The following CNTNAP3B variants were observed in gnomAD, a reference collection of about 807,000 sequenced individuals.
CNTNAP3B encodes the protein contactin associated protein family member 3B.
CNTNAP3B carries 25 observed loss-of-function variants against 108.9 expected under a neutral mutation model. That is an observed-to-expected ratio of 0.23 (90% CI 0.17 to 0.32). The LOEUF (loss-of-function observed/expected upper bound fraction) is 0.32, where lower values mean the gene tolerates loss of function less well. Among genes scored for constraint, CNTNAP3B ranks in the 10% least tolerant of loss-of-function variants. The pLI is 1.00. For missense variants in CNTNAP3B, 252 were observed against 1,210.4 expected (o/e 0.21, Z 11.75); for synonymous variants, 103 against 473.4 (o/e 0.22, Z 10.16).
chr9:41,936,886 G>T (rs1824173074), intron 14 of CNTNAP3B, among the ~76,000 whole-genome samples: 1 of 152,304 alleles, frequency 6.6e-6, no homozygotes, highest in Admixed American at 6.5e-5. Context: ...TAAATGTATA[G>T]TATGTATTCT....
intron 3 of CNTNAP3B, among the ~76,000 whole-genome samples, chr9:42,032,974 C>G (rs1186478277): frequency 1.4e-5 from 2 of 144,246 alleles, no homozygotes; most frequent in African/African-American, 5.4e-5. Flanking sequence ...TCCTGAAAGG[C>G]CCTGTCTTCA....
At chr9:41,928,216 G>A (rs1428448386) in intron 15 of CNTNAP3B, among the ~76,000 whole-genome samples, 1 of 152,248 alleles carries the variant, frequency 6.6e-6, no homozygotes, top group African/African-American at 2.4e-5. Context: ...AAAATTTCTG[G>A]GTCAGAGTTA....
chr9:41,923,255 A>AT (rs1394662454), intron 16 of CNTNAP3B, among the ~76,000 whole-genome samples: 1 of 145,860 alleles, frequency 6.9e-6, no homozygotes, highest in Non-Finnish European at 1.5e-5. Context: ...GTCTCATCTA[A>AT]TTCTATAAAC....
chr9:41,929,718 A>G (rs1823918491), intron 14 of CNTNAP3B, among the ~76,000 whole-genome samples: 2 of 135,330 alleles, frequency 1.5e-5, no homozygotes, highest in East Asian at 4.2e-4. Flanking sequence ...AGCCACAGAC[A>G]CAGGCATGGC....
intron 13 of CNTNAP3B, among the ~76,000 whole-genome samples, chr9:41,944,677 A>G (rs1180540440): frequency 4.6e-5 from 7 of 151,788 alleles, no homozygotes; most frequent in African/African-American, 1.7e-4. Context: ...TATGGCAAAT[A>G]TTAATCCAAG....
chr9:42,113,413 C>T lies in CNTNAP3B; in HGVS notation c.86-8674G>A, dbSNP rs1424299672. On this transcript the variant is annotated intron_variant, in intron 1 of 23. Transcript: ENST00000377561. ...CTATTTTTAAACTATAGATTTTTGG[C>T]TAAAGTATATAATACGAGAATAAGA... is the stretch of plus-strand genomic sequence containing the variant. 5.0e-5 allele frequency among the ~76,000 whole-genome samples: 7 copies of T among 139,226 alleles called. 2 individuals are homozygous for T. The highest frequency in any genetic ancestry group is 2.0e-4 in the African/African-American group (7 of 35,072). The allele number at this position is 139,226 out of a possible 152,430, so 91.3% of individuals were successfully genotyped here.
At chr9:42,125,401 G>T (rs1334959084) in intron 1 of CNTNAP3B, among the ~76,000 whole-genome samples, 1 of 141,902 alleles carries the variant, frequency 7.0e-6, no homozygotes, top group East Asian at 2.1e-4. Context: ...TACCCTGCTG[G>T]TTTCTGAATG....
intron 12 of CNTNAP3B, chr9:41,959,930 T>C (rs1258127109): frequency 6.6e-6 from 1 of 152,298 alleles, no homozygotes. Context: ...TCTGTAAAAA[T>C]GTAACTATTT....
At chr9:41,934,097 T>TTACA (rs1158298393) in intron 14 of CNTNAP3B, among the ~76,000 whole-genome samples, 1 of 20,004 alleles carries the variant, frequency 5.0e-5, no homozygotes, top group East Asian at 2.2e-3. Flanking sequence ...TGCATATTTG[T>TTACA]TACATATATA....
At chr9:41,930,415 C>A (rs1484445436) in intron 14 of CNTNAP3B, among the ~76,000 whole-genome samples, 1 of 152,306 alleles carries the variant, frequency 6.6e-6, no homozygotes, top group Non-Finnish European at 1.5e-5. Flanking sequence ...TGATGGTGCA[C>A]ACCTGTAGTC....
At chr9:42,081,389 A>T (rs2118632787) in intron 2 of CNTNAP3B, among the ~76,000 whole-genome samples, 1 of 146,460 alleles carries the variant, frequency 6.8e-6, no homozygotes, top group Non-Finnish European at 1.5e-5. Context: ...AGTTCTGAGG[A>T]AATTATTAAA....
At chr9:42,070,332 C>T (rs1393975089) in intron 3 of CNTNAP3B, among the ~76,000 whole-genome samples, 2 of 149,664 alleles carry the variant, frequency 1.3e-5, no homozygotes, top group Non-Finnish European at 3.0e-5. Flanking sequence ...GGAAACAAGC[C>T]ATGATTTCAG....
intron 1 of CNTNAP3B, among the ~76,000 whole-genome samples, chr9:42,121,241 T>C (rs928440545): frequency 1.4e-5 from 2 of 138,606 alleles, no homozygotes; most frequent in African/African-American, 5.8e-5. Context: ...CCCCAGTTGC[T>C]CACAGAAGTG....
At chr9:42,033,792 AC>A (rs1238913853) in intron 3 of CNTNAP3B, among the ~76,000 whole-genome samples, 1 of 30,944 alleles carries the variant, frequency 3.2e-5, no homozygotes, top group African/African-American at 1.4e-4. Context: ...TGGCTGACTA[AC>A]CTACCATGTT....
At chr9:41,986,340 ACT>A (rs1321932668) in intron 8 of CNTNAP3B, 29 bp from the exon 9 acceptor site, 1 of 1,114,616 alleles carries the variant, frequency 9.0e-7, no homozygotes, top group African/African-American at 1.8e-5. Context: ...GTCAGAGACA[ACT>A]CTAAATTATG....
At chr9:41,955,268 G>A (rs1279296915) in intron 12 of CNTNAP3B, among the ~76,000 whole-genome samples, 1 of 150,262 alleles carries the variant, frequency 6.7e-6, no homozygotes, top group East Asian at 2.0e-4. Flanking sequence ...CCTCAGTACT[G>A]AGAAGGGAAC....
intron 10 of CNTNAP3B, among the ~76,000 whole-genome samples, chr9:41,969,642 G>C (rs1247199383): frequency 1.3e-5 from 2 of 151,900 alleles, no homozygotes; most frequent in African/African-American, 4.9e-5. Context: ...TTTTGAGACC[G>C]AGTCTCGCTC....
intron 1 of CNTNAP3B, among the ~76,000 whole-genome samples, chr9:42,112,412 A>C (rs1396777182): frequency 1.4e-5 from 2 of 139,028 alleles, no homozygotes; most frequent in African/African-American, 2.9e-5. Context: ...GATGGGGATG[A>C]GAGGGAACAG....
chr9:42,076,427 TAAAAAAA>T lies in CNTNAP3B; in HGVS notation c.390+435_390+441del, dbSNP rs1186980537. On this transcript the variant is annotated intron_variant, in intron 3 of 23. Transcript: ENST00000377561. ...GGTGATAACAGCGAAACTCTGTCTC[TAAAAAAA>T]AAAAAAAAAAACAAGAAAAACTAAA... Among the ~76,000 whole-genome samples the T allele has an allele frequency of 1.9e-5, 2 of 104,244 alleles. 1 individual carries two copies. The highest frequency in any genetic ancestry group is 6.4e-4 in the South Asian group (2 of 3,136). 68.4% of individuals were successfully genotyped at this position (104,244 alleles called of 152,430 possible).
Sources: allele counts gnomAD v4.1 joint callset (sites outside exome capture counted in the v4.1 genomes callset), GRCh38; gene constraint gnomAD v4.1.1; transcripts MANE v1.5; gene names NCBI Gene and HGNC (gene_info 2026-07-23, HGNC 2026-07-21).